ATOSA: variants seen among roughly 807,000 people sequenced by gnomAD.
The protein encoded by ATOSA is atos homolog A, also known as atos homolog protein A.
the ATOSA span, among the ~76,000 whole-genome samples, chr15:52,679,528 G>T: frequency 6.6e-6 from 1 of 152,220 alleles, no homozygotes; most frequent in Non-Finnish European, 1.5e-5. Flanking sequence ...CGGGTTTTCG[G>T]TGCAGGTGCC....
chr15:52,587,552 G>C, the ATOSA span: 1 of 164,232 alleles, frequency 6.1e-6, no homozygotes, highest in Non-Finnish European at 1.3e-5. Flanking sequence ...TTGAGGGAGA[G>C]GGGAAATGAA....
At chr15:52,662,381 G>GC in the ATOSA span, among the ~76,000 whole-genome samples, 1 of 152,118 alleles carries the variant, frequency 6.6e-6, no homozygotes, top group Non-Finnish European at 1.5e-5. Flanking sequence ...GGAATCTCCA[G>GC]TTTTACTCTG....
At chr15:52,687,354 G>A in the ATOSA span, among the ~76,000 whole-genome samples, 1 of 152,228 alleles carries the variant, frequency 6.6e-6, no homozygotes, top group Non-Finnish European at 1.5e-5. Flanking sequence ...GCAGCGAGCC[G>A]AGATCCAGCC....
At chr15:52,590,005 C>G in the ATOSA span, among the ~76,000 whole-genome samples, 2 of 152,114 alleles carry the variant, frequency 1.3e-5, no homozygotes, top group African/African-American at 2.4e-5. Flanking sequence ...CCAGGCTGGT[C>G]TTGAACTCCT....
the ATOSA span, among the ~76,000 whole-genome samples, chr15:52,612,112 G>A: frequency 6.6e-6 from 1 of 152,182 alleles, no homozygotes; most frequent in African/African-American, 2.4e-5. Flanking sequence ...AGCCTCTCAA[G>A]TAGCTGGGAT....
chr15:52,655,505 C>G, the ATOSA span, among the ~76,000 whole-genome samples: 3 of 152,126 alleles, frequency 2.0e-5, no homozygotes, highest in Non-Finnish European at 4.4e-5. Context: ...GGACACTGAA[C>G]TAGGGACCAT....
At chr15:52,597,910 A>C in the ATOSA span, among the ~76,000 whole-genome samples, 3 of 152,198 alleles carry the variant, frequency 2.0e-5, no homozygotes, top group African/African-American at 4.8e-5. Flanking sequence ...GGATCACCTG[A>C]GTTCAAGAGT....
the ATOSA span, among the ~76,000 whole-genome samples, chr15:52,617,809 T>C: frequency 2.8e-3 from 410 of 148,824 alleles, no homozygotes; most frequent in African/African-American, 9.7e-3. Flanking sequence ...AATTTATTAC[T>C]AATTTATATA....
At chr15:52,677,414 T>C in the ATOSA span, among the ~76,000 whole-genome samples, 1 of 152,234 alleles carries the variant, frequency 6.6e-6, no homozygotes, top group Non-Finnish European at 1.5e-5. Flanking sequence ...TATATTATTC[T>C]TATAAATCCT....
At chr15:52,645,309 C>A in the ATOSA span, among the ~76,000 whole-genome samples, 1 of 152,110 alleles carries the variant, frequency 6.6e-6, no homozygotes, top group African/African-American at 2.4e-5. Context: ...CATGGAGGCA[C>A]ATGCTTGTAA....
the ATOSA span, among the ~76,000 whole-genome samples, chr15:52,661,572 T>A: frequency 6.6e-6 from 1 of 152,216 alleles, no homozygotes; most frequent in South Asian, 2.1e-4. Context: ...AATTTCAGAA[T>A]AACAAAATTA....
chr15:52,615,573 G>A, the ATOSA span, among the ~76,000 whole-genome samples: 3 of 152,196 alleles, frequency 2.0e-5, no homozygotes, highest in Non-Finnish European at 4.4e-5. Flanking sequence ...TGCAATTTGA[G>A]CAGAGATCTC....
chr15:52,618,826 A>C, the ATOSA span, among the ~76,000 whole-genome samples: 2 of 152,110 alleles, frequency 1.3e-5, no homozygotes, highest in Non-Finnish European at 2.9e-5. Flanking sequence ...CTGGGATTAC[A>C]GGTGTGAGCC....
the ATOSA span, among the ~76,000 whole-genome samples, chr15:52,684,793 G>A: frequency 6.6e-6 from 1 of 152,150 alleles, no homozygotes; most frequent in Non-Finnish European, 1.5e-5. Flanking sequence ...CTGGAGTACA[G>A]TGGTGTGATC....
At chr15:52,637,111 T>C in the ATOSA span, among the ~76,000 whole-genome samples, 273 of 152,244 alleles carry the variant, frequency 1.8e-3, 1 homozygote, top group East Asian at 0.026. Context: ...GAGTAGGAAA[T>C]GTAGGACTTC....
the ATOSA span, among the ~76,000 whole-genome samples, chr15:52,682,757 G>GA: frequency 6.6e-6 from 1 of 152,108 alleles, no homozygotes; most frequent in Non-Finnish European, 1.5e-5. Flanking sequence ...AAGTTAAAAA[G>GA]AAAAATGTAC....
the ATOSA span, among the ~76,000 whole-genome samples, chr15:52,665,524 T>C: frequency 1.3e-5 from 2 of 152,204 alleles, no homozygotes; most frequent in Admixed American, 1.3e-4. Context: ...TCTTCTCATA[T>C]ACTGTTGGTG....
At chr15:52,642,205 A>G in the ATOSA span, among the ~76,000 whole-genome samples, 134,747 of 152,246 alleles carry the variant, frequency 0.89, 59,774 homozygotes, top group East Asian at 1. Context: ...ATTTATAGCT[A>G]TAATATATCC....
At chr15:52,693,971 CT>C in the ATOSA span, among the ~76,000 whole-genome samples, 16 of 152,108 alleles carry the variant, frequency 1.1e-4, no homozygotes, top group South Asian at 2.1e-4. Context: ...TCTCTCTTCT[CT>C]TTTGTTCAAG....
Sources: gnomAD v4.1 joint callset for allele counts (sites outside exome capture counted in the v4.1 genomes callset) on GRCh38, gnomAD v4.1.1 for gene constraint, MANE v1.5 for transcripts, NCBI Gene and HGNC (gene_info 2026-07-23, HGNC 2026-07-21) for gene names.